The following SNTG1 variants were observed in gnomAD, a reference collection of about 807,000 sequenced individuals.
The protein encoded by SNTG1 is gamma-1-syntrophin.
A neutral mutation model predicts 74.7 loss-of-function variants in SNTG1; 39 were observed. The ratio of observed to expected loss-of-function variants is 0.52; its 90% confidence interval spans 0.40 to 0.68. SNTG1 has a LOEUF of 0.68. Among genes scored for constraint, SNTG1 ranks in the 30% least tolerant of loss-of-function variants. The pLI is 0.00. For missense variants in SNTG1, 685 were observed against 609.5 expected (o/e 1.12, Z -1.30); for synonymous variants, 254 against 217.1 (o/e 1.17, Z -1.49).
At chr8:50,146,588 G>T (rs965026869) in intron 1 of SNTG1, among the ~76,000 whole-genome samples, 1 of 152,046 alleles carries the variant, frequency 6.6e-6, no homozygotes, top group African/African-American at 2.4e-5. Context: ...TAGGTTGAAA[G>T]GTAAGGCAGG....
At chr8:49,999,824 T>C (rs746079074) in intron 1 of SNTG1, among the ~76,000 whole-genome samples, 1 of 152,146 alleles carries the variant, frequency 6.6e-6, no homozygotes, top group Non-Finnish European at 1.5e-5. Context: ...GCTGGTATAA[T>C]AATTACACTG....
chr8:50,574,929 A>G (rs549536112), intron 12 of SNTG1, among the ~76,000 whole-genome samples: 4 of 152,320 alleles, frequency 2.6e-5, no homozygotes. Flanking sequence ...ATGCTGTTCA[A>G]TATTTGGCCC....
intron 13 of SNTG1, among the ~76,000 whole-genome samples, chr8:50,610,051 T>C (rs1281076818): frequency 1.3e-5 from 2 of 152,202 alleles, no homozygotes; most frequent in Non-Finnish European, 2.9e-5. Flanking sequence ...TACTCTTTCG[T>C]TGAAAATTGG....
chr8:50,321,617 C>A (rs2090533247), intron 2 of SNTG1, among the ~76,000 whole-genome samples: 1 of 151,878 alleles, frequency 6.6e-6, no homozygotes, highest in Non-Finnish European at 1.5e-5. Flanking sequence ...TCTTTCCTGT[C>A]TTCTTTTACT....
At chr8:50,585,659 CTG>C (rs1458851516) in intron 12 of SNTG1, among the ~76,000 whole-genome samples, 1 of 151,918 alleles carries the variant, frequency 6.6e-6, no homozygotes, top group African/African-American at 2.4e-5. Context: ...ACTTTGCTCT[CTG>C]AATGCATTTT....
chr8:49,938,684 CTTCT>C (rs1808406075), intron 1 of SNTG1, among the ~76,000 whole-genome samples: 2 of 141,370 alleles, frequency 1.4e-5, no homozygotes, highest in South Asian at 2.3e-4. Context: ...TCCTTCCCTC[CTTCT>C]TTCTTTTTCT....
intron 1 of SNTG1, among the ~76,000 whole-genome samples, chr8:49,973,099 G>A (rs1324513343): frequency 6.6e-6 from 1 of 152,128 alleles, no homozygotes; most frequent in South Asian, 2.1e-4. Flanking sequence ...CAATAGCAAA[G>A]ACTTGGAACC....
chr8:49,985,566 AT>A (rs1436125570), intron 1 of SNTG1, among the ~76,000 whole-genome samples: 6 of 152,278 alleles, frequency 3.9e-5, no homozygotes, highest in East Asian at 3.9e-4. Flanking sequence ...GACAATAGAA[AT>A]TTTTTTATCA....
Position 50,502,879 on chromosome 8 carries a change from A to C in SNTG1, c.465A>C (p.Ala155=). ...FLKLPLNEDC[A]CAPSDQSSGT... ...AACTCCCATTGAATGAAGATTGTGC[A>C]TGTAAGCATTTATAAAGAATAGATA... The change falls in exon 9 of 19, where the codon GCA becomes GCC. Residue 155 remains alanine, a splice_region_variant and synonymous_variant. Transcript: ENST00000642720. 1 of 1,609,982 alleles carries C rather than the reference A, an allele frequency of 6.2e-7. No individual in the cohort carries two copies.
intron 18 of SNTG1, among the ~76,000 whole-genome samples, chr8:50,788,447 G>C (rs1173052561): frequency 6.6e-6 from 1 of 152,002 alleles, no homozygotes; most frequent in Non-Finnish European, 1.5e-5. Flanking sequence ...TGTAGATGAT[G>C]ACTTAGTTGG....
chr8:50,495,684 A>C (rs1049225011), intron 8 of SNTG1, among the ~76,000 whole-genome samples: 3 of 152,136 alleles, frequency 2.0e-5, no homozygotes, highest in African/African-American at 4.8e-5. Flanking sequence ...TTCTTGCTCA[A>C]ATGCTTCTCT....
At chr8:50,413,327 A>G (rs1196614397) in intron 4 of SNTG1, among the ~76,000 whole-genome samples, 5 of 152,044 alleles carry the variant, frequency 3.3e-5, no homozygotes, top group African/African-American at 1.2e-4. Context: ...TTAATTTAAC[A>G]CTGTTCATTT....
chr8:50,486,721 C>A (rs932578991), intron 8 of SNTG1, among the ~76,000 whole-genome samples: 4 of 151,122 alleles, frequency 2.6e-5, no homozygotes, highest in African/African-American at 9.7e-5. Context: ...GCATCCCTAT[C>A]TTGTGCCAGT....
intron 17 of SNTG1, among the ~76,000 whole-genome samples, chr8:50,747,030 G>T (rs997619118): frequency 6.6e-6 from 1 of 151,182 alleles, no homozygotes; most frequent in Non-Finnish European, 1.5e-5. Flanking sequence ...ATCTAAATAT[G>T]CTATTGTGAT....
At chr8:50,154,750 T>C (rs901658676) in intron 1 of SNTG1, among the ~76,000 whole-genome samples, 1 of 152,142 alleles carries the variant, frequency 6.6e-6, no homozygotes, top group Non-Finnish European at 1.5e-5. Context: ...ATCAAGGTCA[T>C]AGAAAACAAA....
At chr8:50,225,310 G>C (rs2085273655) in intron 2 of SNTG1, among the ~76,000 whole-genome samples, 1 of 152,120 alleles carries the variant, frequency 6.6e-6, no homozygotes, top group Non-Finnish European at 1.5e-5. Context: ...GGCATCATCT[G>C]CATAATAAGA....
intron 5 of SNTG1, among the ~76,000 whole-genome samples, chr8:50,440,553 T>C (rs976704413): frequency 6.6e-6 from 1 of 152,204 alleles, no homozygotes; most frequent in Non-Finnish European, 1.5e-5. Flanking sequence ...AAAAATATCA[T>C]TCTAGGCTAG....
At chr8:50,623,448 A>G (rs2094936360) in intron 13 of SNTG1, among the ~76,000 whole-genome samples, 1 of 152,098 alleles carries the variant, frequency 6.6e-6, no homozygotes, top group Admixed American at 6.5e-5. Context: ...AATATAGTTG[A>G]TTTATATAAA....
At position 50,179,918 on chromosome 8, in the gene SNTG1, C is replaced by A. The variant is rs1455684664; in HGVS notation, c.-28+7283C>A. 2.6e-5 allele frequency among the ~76,000 whole-genome samples: 4 copies of A among 152,178 alleles called. No homozygotes were observed. In the East Asian group the frequency reaches 7.7e-4, roughly 29 times the overall value. On this transcript the variant is annotated intron_variant, in intron 2 of 18. Transcript: ENST00000642720. The stretch of plus-strand genomic sequence containing the variant: ...CAGAACTACTGTATGATCCAGCTAT[C>A]CTACTGCTGGTTATATACCCAAAGA...
Sources: allele counts gnomAD v4.1 joint callset (sites outside exome capture counted in the v4.1 genomes callset), GRCh38; gene constraint gnomAD v4.1.1; transcripts MANE v1.5; gene names NCBI Gene and HGNC (gene_info 2026-07-23, HGNC 2026-07-21).